AGBL4: variants seen among roughly 807,000 people sequenced by gnomAD.
The protein encoded by AGBL4 is cytosolic carboxypeptidase 6.
AGBL4 carries 58 observed loss-of-function variants against 66.4 expected under a neutral mutation model. The observed-to-expected ratio is 0.87, with a 90% CI of 0.71 to 1.09. AGBL4 has a LOEUF of 1.09. Ranked by LOEUF, AGBL4 falls within the 50% of genes least tolerant of loss-of-function variation. AGBL4 has a pLI of 0.00. For synonymous variants in AGBL4, 234 were observed against 222.9 expected (o/e 1.05, Z -0.44); for missense variants, 579 against 631.0 (o/e 0.92, Z 0.88).
intron 3 of AGBL4, among the ~76,000 whole-genome samples, chr1:49,417,725 A>T (rs929654718): frequency 6.6e-6 from 1 of 152,132 alleles, no homozygotes; most frequent in African/African-American, 2.4e-5. Context: ...TGATGTCTTT[A>T]GGTTAAAATA....
At chr1:49,824,346 G>A (rs1645451640) in intron 2 of AGBL4, among the ~76,000 whole-genome samples, 1 of 152,178 alleles carries the variant, frequency 6.6e-6, no homozygotes, top group South Asian at 2.1e-4. Flanking sequence ...GGTTATACAA[G>A]CAACCTCTGT....
intron 3 of AGBL4, among the ~76,000 whole-genome samples, chr1:49,622,933 A>G (rs1054990979): frequency 6.6e-6 from 1 of 152,110 alleles, no homozygotes; most frequent in Admixed American, 6.5e-5. Flanking sequence ...CCCCTTGGTG[A>G]TATCTTTTCA....
In AGBL4 at chr1:49,872,103, A is replaced by AT. The variant is rs551808935; in HGVS notation, c.35-20586dup. On this transcript the variant is annotated intron_variant, in intron 1 of 13. Transcript: ENST00000371839. ...CAGAAAATTAAAATAATATTTTGTG[A>AT]TTTTTTTTGTTTATAGTATTTGCTA... Among the ~76,000 whole-genome samples the AT allele has an allele frequency of 1.5e-4, 23 of 151,910 alleles. No individual in the cohort carries two copies. The South Asian group carries it at 2.3e-3, about 15-fold the overall frequency.
chr1:48,644,244 T>C (rs1341786904), intron 8 of AGBL4, among the ~76,000 whole-genome samples: 2 of 152,210 alleles, frequency 1.3e-5, no homozygotes, highest in African/African-American at 4.8e-5. Context: ...GTTTGGAACA[T>C]GCTGCCATTC....
intron 3 of AGBL4, among the ~76,000 whole-genome samples, chr1:49,250,544 A>G (rs927062635): frequency 6.6e-6 from 1 of 151,028 alleles, no homozygotes; most frequent in Non-Finnish European, 1.5e-5. Flanking sequence ...CCTGGGTTCA[A>G]GCGATTCTCC....
At chr1:49,564,812 G>A (rs1215528521) in intron 3 of AGBL4, among the ~76,000 whole-genome samples, 1 of 152,210 alleles carries the variant, frequency 6.6e-6, no homozygotes, top group East Asian at 1.9e-4. Context: ...TTCTGTAGAT[G>A]TCTATTAGGT....
intron 1 of AGBL4, among the ~76,000 whole-genome samples, chr1:49,915,563 G>A (rs962839238): frequency 1.3e-5 from 2 of 152,200 alleles, no homozygotes; most frequent in African/African-American, 4.8e-5. Context: ...GCTGAGGCTT[G>A]AGTAGGTAAA....
intron 3 of AGBL4, among the ~76,000 whole-genome samples, chr1:49,604,658 A>G (rs1645030914): frequency 6.6e-6 from 1 of 152,096 alleles, no homozygotes; most frequent in Non-Finnish European, 1.5e-5. Flanking sequence ...GGATTTGTCC[A>G]ACAATACAAA....
At chr1:48,571,602 C>T (rs1350835501) in intron 11 of AGBL4, among the ~76,000 whole-genome samples, 1 of 152,240 alleles carries the variant, frequency 6.6e-6, no homozygotes, top group South Asian at 2.1e-4. Context: ...TGGGCCCCCA[C>T]ATGGATTCCC....
chr1:49,921,098 G>C (rs1239005562), intron 1 of AGBL4, among the ~76,000 whole-genome samples: 1 of 152,130 alleles, frequency 6.6e-6, no homozygotes, highest in Admixed American at 6.5e-5. Context: ...CGTGGGGTGG[G>C]AGTATGGGGG....
At chr1:49,364,956 T>G (rs1031011727) in intron 3 of AGBL4, among the ~76,000 whole-genome samples, 2 of 152,188 alleles carry the variant, frequency 1.3e-5, no homozygotes, top group Admixed American at 6.5e-5. Context: ...GGTTGTAAGT[T>G]CATGCATGTG....
At chr1:49,985,410 A>C (rs1659417563) in intron 1 of AGBL4, among the ~76,000 whole-genome samples, 1 of 152,178 alleles carries the variant, frequency 6.6e-6, no homozygotes, top group African/African-American at 2.4e-5. Context: ...AACTTTAGAG[A>C]GTGTATTTTC....
In AGBL4 at chr1:49,946,292, T is replaced by C. The variant is rs557380723; in HGVS notation, c.34+77471A>G. ...TCATTGCATGGAACTTTCTCCAAGA[T>C]AGACGATATGATAGCCTACAAAACA... On this transcript the variant is annotated intron_variant, in intron 1 of 13. Coordinates refer to ENST00000371839, the MANE Select transcript of AGBL4 (RefSeq NM_032785.4). Among the ~76,000 whole-genome samples, 10 of 152,134 alleles carry C rather than the reference T, an allele frequency of 6.6e-5. No homozygotes were observed. In the South Asian group the frequency reaches 1.0e-3, roughly 16 times the overall value.
chr1:48,705,758 CAATGTT>C (rs1341320116), intron 6 of AGBL4, among the ~76,000 whole-genome samples: 2 of 152,072 alleles, frequency 1.3e-5, no homozygotes, highest in African/African-American at 4.8e-5. Context: ...GCAGAGGTGA[CAATGTT>C]AATCACAAAG....
intron 2 of AGBL4, among the ~76,000 whole-genome samples, chr1:49,763,597 G>A (rs1047316988): frequency 2.0e-5 from 3 of 152,192 alleles, no homozygotes; most frequent in Admixed American, 6.5e-5. Flanking sequence ...CTAGCATGGA[G>A]CCAGGGGAAG....
intron 7 of AGBL4, among the ~76,000 whole-genome samples, chr1:48,661,384 C>T (rs897848680): frequency 8.5e-5 from 13 of 152,172 alleles, no homozygotes; most frequent in African/African-American, 2.7e-4. Context: ...AAGAGAAGAC[C>T]GCCCACTCAA....
chr1:48,894,517 T>TGCATTAATACAATAA (rs1553120866), intron 5 of AGBL4, among the ~76,000 whole-genome samples: 3 of 152,180 alleles, frequency 2.0e-5, no homozygotes, highest in Non-Finnish European at 4.4e-5. Context: ...ATACATTATG[T>TGCATTAATACAATAA]GCATTAATAC....
chr1:49,878,046 C>T (rs1177275553), intron 1 of AGBL4, among the ~76,000 whole-genome samples: 1 of 151,744 alleles, frequency 6.6e-6, no homozygotes, highest in Admixed American at 6.6e-5. Context: ...TGATTCTTCT[C>T]TCTTTTCTTC....
chr1:49,901,014 G>A (rs779052673), intron 1 of AGBL4, among the ~76,000 whole-genome samples: 4 of 152,158 alleles, frequency 2.6e-5, no homozygotes, highest in Non-Finnish European at 5.9e-5. Flanking sequence ...GTGTAACAAA[G>A]TTTACAAAGC....
Sources: allele counts gnomAD v4.1 joint callset (sites outside exome capture counted in the v4.1 genomes callset), GRCh38; gene constraint gnomAD v4.1.1; transcripts MANE v1.5; gene names NCBI Gene and HGNC (gene_info 2026-07-23, HGNC 2026-07-21).